THSD4: variants seen among roughly 807,000 people sequenced by gnomAD.
THSD4 encodes the protein thrombospondin type-1 domain-containing protein 4.
Under a neutral mutation model 119.0 loss-of-function variants are expected in THSD4, and 69 were observed. That is an observed-to-expected ratio of 0.58 (90% CI 0.48 to 0.71). The LOEUF is 0.71. THSD4 is among the 30% of genes least tolerant of loss of function. THSD4 has a pLI of 0.00. For missense variants in THSD4, 1,393 were observed against 1,391.1 expected (o/e 1.00, Z -0.02); for synonymous variants, 524 against 540.4 (o/e 0.97, Z 0.42).
chr15:71,447,118 GTTTT>G (rs1555414736), intron 7 of THSD4, among the ~76,000 whole-genome samples: 1 of 76,070 alleles, frequency 1.3e-5, no homozygotes, highest in African/African-American at 4.7e-5. Context: ...CATTTTTTTT[GTTTT>G]TTTTTTTTTT....
At chr15:71,666,022 T>G (rs2051410804) in intron 8 of THSD4, among the ~76,000 whole-genome samples, 1 of 152,190 alleles carries the variant, frequency 6.6e-6, no homozygotes, top group Non-Finnish European at 1.5e-5. Flanking sequence ...TAAAATAGTT[T>G]TTTCTAGTTC....
chr15:71,097,723 TATATA>T (rs1185497823), intron 1 of THSD4, among the ~76,000 whole-genome samples: 5 of 133,030 alleles, frequency 3.8e-5, no homozygotes, highest in African/African-American at 1.4e-4. Context: ...TATATATATA[TATATA>T]TTTTTTTTTT....
intron 14 of THSD4, among the ~76,000 whole-genome samples, chr15:71,750,019 G>T (rs2141178870): frequency 6.6e-6 from 1 of 152,316 alleles, no homozygotes; most frequent in Admixed American, 6.5e-5. Flanking sequence ...ATGAGCCACT[G>T]TGCCTGGCCA....
chr15:71,594,735 A>G (rs957923499), intron 7 of THSD4, among the ~76,000 whole-genome samples: 3 of 152,126 alleles, frequency 2.0e-5, no homozygotes, highest in Non-Finnish European at 4.4e-5. Context: ...CCTACCCCAT[A>G]TCAGTATTGT....
intron 5 of THSD4, among the ~76,000 whole-genome samples, chr15:71,254,519 G>T (rs1363185595): frequency 6.6e-6 from 1 of 152,138 alleles, no homozygotes; most frequent in African/African-American, 2.4e-5. Flanking sequence ...ATATTCCTGG[G>T]CTCTCATCCC....
intron 6 of THSD4, among the ~76,000 whole-genome samples, chr15:71,368,011 G>A (rs2045988557): frequency 6.6e-6 from 1 of 152,174 alleles, no homozygotes; most frequent in African/African-American, 2.4e-5. Flanking sequence ...TTGTGGTTTT[G>A]ATTTGCATTT....
At chr15:71,205,994 T>C (rs1320645783) in intron 3 of THSD4, among the ~76,000 whole-genome samples, 2 of 152,006 alleles carry the variant, frequency 1.3e-5, no homozygotes. Flanking sequence ...TTCACTGGTT[T>C]CTAATTCTCT....
At chr15:71,756,807 A>G (rs2053548075) in intron 14 of THSD4, among the ~76,000 whole-genome samples, 1 of 152,200 alleles carries the variant, frequency 6.6e-6, no homozygotes, top group African/African-American at 2.4e-5. Flanking sequence ...AAGACACGAT[A>G]AGATGAGAAC....
At chr15:71,468,187 G>A (rs921603491) in intron 7 of THSD4, among the ~76,000 whole-genome samples, 37 of 152,274 alleles carry the variant, frequency 2.4e-4, no homozygotes, top group African/African-American at 8.7e-4. Flanking sequence ...CCATGCACAC[G>A]CTCTCTCTTG....
chr15:71,547,388 G>C, intron 7 of THSD4: 2 of 1,550,242 alleles, frequency 1.3e-6, no homozygotes, highest in Non-Finnish European at 1.7e-6. Flanking sequence ...CTCCTCTAGG[G>C]TAGTTCTAAC....
chr15:71,533,377 T>A (rs953561060), intron 7 of THSD4, among the ~76,000 whole-genome samples: 1 of 152,206 alleles, frequency 6.6e-6, no homozygotes, highest in African/African-American at 2.4e-5. Flanking sequence ...GAAATCCCCT[T>A]TTGTAACTTT....
intron 7 of THSD4, among the ~76,000 whole-genome samples, chr15:71,464,502 C>T (rs2047473142): frequency 2.0e-5 from 3 of 152,080 alleles, no homozygotes; most frequent in Non-Finnish European, 4.4e-5. Flanking sequence ...TCAAGGTAGC[C>T]GTGTTACCCA....
chr15:71,608,243 T>TACACACACAC (rs1358546603), intron 7 of THSD4, among the ~76,000 whole-genome samples: 8 of 82,782 alleles, frequency 9.7e-5, no homozygotes, highest in African/African-American at 2.9e-4. Context: ...AAAAAATATA[T>TACACACACAC]ATATATACAC....
chr15:71,197,497 C>T (rs1289897227), intron 3 of THSD4, among the ~76,000 whole-genome samples: 1 of 152,216 alleles, frequency 6.6e-6, no homozygotes, highest in African/African-American at 2.4e-5. Context: ...ACAGTGCTCC[C>T]TTTCACTTTC....
At chr15:71,718,824 G>A (rs1211834875) in intron 8 of THSD4, among the ~76,000 whole-genome samples, 3 of 152,036 alleles carry the variant, frequency 2.0e-5, no homozygotes, top group African/African-American at 4.8e-5. Flanking sequence ...CTGCTCAAAT[G>A]CCACCCGCTC....
chr15:71,327,916 G>T (rs560637214), intron 6 of THSD4, among the ~76,000 whole-genome samples: 3 of 152,126 alleles, frequency 2.0e-5, no homozygotes, highest in Non-Finnish European at 4.4e-5. Context: ...TAATTCAGCC[G>T]GGTCTGTGCA....
chr15:71,144,966 C>G (rs184604273), intron 2 of THSD4, among the ~76,000 whole-genome samples: 1 of 151,234 alleles, frequency 6.6e-6, no homozygotes, highest in Non-Finnish European at 1.5e-5. Flanking sequence ...CTAAATGATA[C>G]AGAATTATTT....
chr15:71,777,129 G>A (rs2053927606), intron 17 of THSD4, 103 bp from the exon 18 acceptor site: 2 of 1,330,926 alleles, frequency 1.5e-6, no homozygotes, highest in Admixed American at 1.8e-5. Context: ...GTAATAAACA[G>A]CAGCGCAGGA....
chr15:71,650,856 C>T (rs971351784), intron 7 of THSD4, among the ~76,000 whole-genome samples: 76 of 152,162 alleles, frequency 5.0e-4, no homozygotes, highest in African/African-American at 1.8e-3. Context: ...TCTGTTGGCA[C>T]GCTCTCAGGG....
Sources: allele counts gnomAD v4.1 joint callset (sites outside exome capture counted in the v4.1 genomes callset), GRCh38; gene constraint gnomAD v4.1.1; transcripts MANE v1.5; gene names NCBI Gene and HGNC (gene_info 2026-07-23, HGNC 2026-07-21).